NPAS3: variants seen among roughly 807,000 people sequenced by gnomAD.
NPAS3 encodes the protein neuronal PAS domain-containing protein 3.
In NPAS3, 14 loss-of-function variants were observed where a neutral mutation model predicts 73.1. The ratio of observed to expected loss-of-function variants is 0.19; its 90% CI spans 0.13 to 0.30. The LOEUF (loss-of-function observed/expected upper bound fraction) is 0.30, where lower values mean the gene tolerates loss of function less well. Among genes scored for constraint, NPAS3 ranks in the 10% least tolerant of loss-of-function variants. The pLI is 1.00. For missense variants in NPAS3, 1,096 were observed against 1,250.0 expected, an observed-to-expected ratio of 0.88 and a Z score of 1.86; for synonymous variants, 620 against 541.5, an observed-to-expected ratio of 1.14 and a Z score of -2.01.
At chr14:33,420,140 G>C (rs1254552253) in intron 4 of NPAS3, among the ~76,000 whole-genome samples, 1 of 151,920 alleles carries the variant, frequency 6.6e-6, no homozygotes, top group Non-Finnish European at 1.5e-5. Context: ...TCAATAATTA[G>C]CCTTCACTTT....
chr14:33,135,772 G>T (rs1293193661), intron 2 of NPAS3, among the ~76,000 whole-genome samples: 1 of 152,184 alleles, frequency 6.6e-6, no homozygotes, highest in East Asian at 1.9e-4. Flanking sequence ...TAGCATTGGA[G>T]TGGGTCGGGG....
intron 1 of NPAS3, among the ~76,000 whole-genome samples, chr14:33,003,374 A>G (rs1176243575): frequency 6.6e-6 from 1 of 152,160 alleles, no homozygotes; most frequent in African/African-American, 2.4e-5. Context: ...AAGCAGGCCA[A>G]CTGCACAACT....
chr14:32,991,475 G>A (rs1433389092), intron 1 of NPAS3, among the ~76,000 whole-genome samples: 3 of 152,174 alleles, frequency 2.0e-5, no homozygotes, highest in African/African-American at 7.2e-5. Flanking sequence ...GTACAAGGTA[G>A]TGGTCTCCTG....
At chr14:33,404,826 T>A (rs769963152) in intron 4 of NPAS3, among the ~76,000 whole-genome samples, 14 of 152,078 alleles carry the variant, frequency 9.2e-5, no homozygotes, top group Non-Finnish European at 1.6e-4. Context: ...ACCAACAAAA[T>A]CAGTTATAGA....
intron 2 of NPAS3, among the ~76,000 whole-genome samples, chr14:33,152,085 G>C (rs951429974): frequency 6.6e-6 from 1 of 152,064 alleles, no homozygotes; most frequent in Non-Finnish European, 1.5e-5. Context: ...GTTGTCAAAA[G>C]TGTGTATATG....
intron 4 of NPAS3, among the ~76,000 whole-genome samples, chr14:33,416,829 A>C (rs954364510): frequency 6.6e-6 from 1 of 151,972 alleles, no homozygotes; most frequent in African/African-American, 2.4e-5. Context: ...ATTTGTGTCT[A>C]CTTGCATATT....
At chr14:33,277,829 G>C (rs1009822141) in intron 3 of NPAS3, among the ~76,000 whole-genome samples, 4 of 152,084 alleles carry the variant, frequency 2.6e-5, no homozygotes, top group Non-Finnish European at 5.9e-5. Context: ...AGGGAAGGGA[G>C]GATGTTGGGA....
At chr14:33,371,383 T>G (rs532925474) in intron 4 of NPAS3, among the ~76,000 whole-genome samples, 2 of 152,234 alleles carry the variant, frequency 1.3e-5, no homozygotes, top group East Asian at 3.9e-4. Context: ...AAGAGAAATT[T>G]GTGTTTTTCA....
intron 5 of NPAS3, among the ~76,000 whole-genome samples, chr14:33,594,528 G>T (rs184213128): frequency 6.6e-6 from 1 of 152,224 alleles, no homozygotes; most frequent in Non-Finnish European, 1.5e-5. Flanking sequence ...AACTTTCTGC[G>T]TCTCCCTTCC....
intron 5 of NPAS3, among the ~76,000 whole-genome samples, chr14:33,662,995 T>G (rs909861766): frequency 2.6e-4 from 39 of 151,420 alleles, no homozygotes; most frequent in African/African-American, 9.3e-4. Flanking sequence ...TGAGTGGGTT[T>G]TCTAAATAGA....
chr14:33,779,508 G>A, intron 9 of NPAS3, among the ~76,000 whole-genome samples: 1 of 152,172 alleles, frequency 6.6e-6, no homozygotes, highest in East Asian at 1.9e-4. Flanking sequence ...ACAGTCACAT[G>A]CCACTTAGCC....
intron 4 of NPAS3, among the ~76,000 whole-genome samples, chr14:33,441,920 A>C (rs1314899087): frequency 6.6e-6 from 1 of 151,900 alleles, no homozygotes; most frequent in Non-Finnish European, 1.5e-5. Context: ...TGATTCAATT[A>C]CCTCCCCCCA....
rs5807739 is a variant in NPAS3, at chr14:33,684,227, G to GTTT, written c.733+7852_733+7854dup. Among the ~76,000 whole-genome samples the GTTT allele has an allele frequency of 2.9e-3, 427 of 148,418 alleles. 3 individuals are homozygous for GTTT. The highest frequency in any genetic ancestry group is 0.021 in the South Asian group (99 of 4,720). ...ATGCACGTATTTCATTGTGCTGTGG[G>GTTT]TTTTTTTTTTTTAACATAGTCTCTT... is the stretch of plus-strand genomic sequence containing the variant. On this transcript the variant is annotated intron_variant, in intron 6 of 11. Coordinates refer to ENST00000356141, the Ensembl canonical transcript of NPAS3.
At chr14:33,029,931 G>A (rs1253865327) in intron 1 of NPAS3, among the ~76,000 whole-genome samples, 1 of 152,196 alleles carries the variant, frequency 6.6e-6, no homozygotes, top group East Asian at 1.9e-4. Flanking sequence ...TGGTTTAATA[G>A]TGGCAGAATT....
chr14:33,369,211 A>C (rs935825340), intron 4 of NPAS3, among the ~76,000 whole-genome samples: 2 of 152,098 alleles, frequency 1.3e-5, no homozygotes, highest in Non-Finnish European at 2.9e-5. Flanking sequence ...TTCAGACACC[A>C]CACTATGGTT....
chr14:33,783,655 G>A (rs1336698360), intron 9 of NPAS3, among the ~76,000 whole-genome samples: 1 of 152,100 alleles, frequency 6.6e-6, no homozygotes, highest in Non-Finnish European at 1.5e-5. Flanking sequence ...TCAAGTCCAT[G>A]GGCAGGCAAG....
At chr14:33,465,373 AG>A (rs1566927345) in intron 4 of NPAS3, among the ~76,000 whole-genome samples, 1 of 152,226 alleles carries the variant, frequency 6.6e-6, no homozygotes, top group African/African-American at 2.4e-5. Context: ...AGAGTAAAAA[AG>A]TTTAAAATGT....
chr14:32,934,924 G>C, upstream of NPAS3: 1 of 1,071,006 alleles, frequency 9.3e-7, no homozygotes, highest in Non-Finnish European at 1.1e-6. This position sits in a 1 kb window ranked among gnomAD's most constrained non-coding sequence, Gnocchi z 4.1. Flanking sequence ...GGTGCCGGCC[G>C]GCGCGGGCAT....
chr14:33,649,450 A>G (rs2058927890), intron 5 of NPAS3, among the ~76,000 whole-genome samples: 1 of 152,252 alleles, frequency 6.6e-6, no homozygotes, highest in Admixed American at 6.5e-5. Context: ...ACAGTACGGT[A>G]CTGTAACAAA....
Sources: gnomAD v4.1 joint callset for allele counts (sites outside exome capture counted in the v4.1 genomes callset) on GRCh38, gnomAD v4.1.1 for gene constraint, Gnocchi (gnomAD v3.1) non-coding constraint, MANE v1.5 for transcripts, NCBI Gene and HGNC (gene_info 2026-07-23, HGNC 2026-07-21) for gene names.